The following CATSPER3 variants were observed in gnomAD, a reference collection of about 807,000 sequenced individuals.
The protein encoded by CATSPER3 is cation channel sperm-associated protein 3.
Under a neutral mutation model 36.6 loss-of-function variants are expected in CATSPER3, and 23 were observed. That is an observed-to-expected ratio of 0.63 (90% CI 0.45 to 0.89). The LOEUF (loss-of-function observed/expected upper bound fraction) is 0.89, where lower values mean the gene tolerates loss of function less well. Among genes scored for constraint, CATSPER3 ranks in the 40% least tolerant of loss-of-function variants. The probability of loss-of-function intolerance (pLI) is 0.00; values close to 1 mark genes in which losing one functional copy is unlikely to be tolerated. For synonymous variants in CATSPER3, 172 were observed against 184.1 expected (o/e 0.93, Z 0.53); for missense variants, 474 against 503.9 (o/e 0.94, Z 0.57).
intron 4 of CATSPER3, 108 bp downstream of exon 4, chr5:135,008,247 C>A: frequency 1.1e-6 from 1 of 913,962 alleles, no homozygotes; most frequent in Non-Finnish European, 1.8e-6. Context: ...TCCTCATGTC[C>A]AGGTACTCAT....
Position 134,999,390 on chromosome 5 carries a change from G to T in CATSPER3, c.492+2878G>T, listed in dbSNP as rs1419037597. 2.0e-5 allele frequency among the ~76,000 whole-genome samples: 3 copies of T among 152,068 alleles called. No homozygotes were observed. The East Asian group carries it at 5.8e-4, about 29-fold the overall frequency. ...TGGCTTAGGATTGTCTTGGCAATGC[G>T]GGCTCTTTTTTGGTTCCATATGAAC... On this transcript the variant is annotated intron_variant, in intron 3 of 7. Coordinates refer to ENST00000282611, the MANE Select transcript of CATSPER3 (RefSeq NM_178019.3).
intron 3 of CATSPER3, among the ~76,000 whole-genome samples, chr5:135,007,547 C>T (rs1294026793): frequency 4.6e-5 from 7 of 152,220 alleles, no homozygotes; most frequent in Admixed American, 1.3e-4. Flanking sequence ...CTCCCAGAGT[C>T]GTTCCCCTAC....
intron 2 of CATSPER3, among the ~76,000 whole-genome samples, chr5:134,977,263 A>G (rs1751685459): frequency 6.6e-6 from 1 of 152,150 alleles, no homozygotes; most frequent in Non-Finnish European, 1.5e-5. Flanking sequence ...ATAAGTTCCA[A>G]CTTTAACCTC....
intron 3 of CATSPER3, 87 bp from the exon 4 acceptor site, chr5:135,007,870 C>A: frequency 1.2e-6 from 1 of 837,652 alleles, no homozygotes; most frequent in Non-Finnish European, 1.8e-6. Context: ...CTGGGGACAG[C>A]TGTGAACTGG....
intron 3 of CATSPER3, among the ~76,000 whole-genome samples, chr5:135,005,730 C>T (rs1270477512): frequency 6.6e-6 from 1 of 152,248 alleles, no homozygotes; most frequent in Non-Finnish European, 1.5e-5. Flanking sequence ...GAACCTGCAC[C>T]ATGAGGAAAT....
chr5:135,007,220 C>T (rs1441294709), intron 3 of CATSPER3, among the ~76,000 whole-genome samples: 1 of 152,190 alleles, frequency 6.6e-6, no homozygotes, highest in Non-Finnish European at 1.5e-5. Context: ...AGACAATTTG[C>T]TTCTTTGAGC....
chr5:134,994,921 C>T (rs1751925023), intron 2 of CATSPER3, among the ~76,000 whole-genome samples: 1 of 151,572 alleles, frequency 6.6e-6, no homozygotes, highest in African/African-American at 2.4e-5. Context: ...TTCTTTCCCT[C>T]CCTCCCTACC....
chr5:135,008,712 G>A (rs1752122324), intron 4 of CATSPER3, 129 bp from the exon 5 acceptor site: 4 of 771,056 alleles, frequency 5.2e-6, no homozygotes, highest in South Asian at 4.3e-5. Context: ...ACTGGGAGGT[G>A]TTGAGGGGAT....
At chr5:134,969,872 G>A in intron 1 of CATSPER3, 67 bp from the exon 2 acceptor site, 1 of 1,510,702 alleles carries the variant, frequency 6.6e-7, no homozygotes, top group Non-Finnish European at 9.2e-7. Flanking sequence ...CTACAAAAAG[G>A]TATGCATTTT....
chr5:134,994,974 C>T (rs962389087), intron 2 of CATSPER3, among the ~76,000 whole-genome samples: 1 of 151,000 alleles, frequency 6.6e-6, no homozygotes, highest in Non-Finnish European at 1.5e-5. Flanking sequence ...TCTCTGCCTC[C>T]TTTCTTTCTT....
At chr5:135,003,365 T>G (rs1435038365) in intron 3 of CATSPER3, among the ~76,000 whole-genome samples, 1 of 152,188 alleles carries the variant, frequency 6.6e-6, no homozygotes, top group Non-Finnish European at 1.5e-5. Context: ...CTGCCCCTAC[T>G]TGGGGGTGCT....
At chr5:135,010,784 G>A (rs1580917926) in intron 7 of CATSPER3, among the ~76,000 whole-genome samples, 1 of 152,156 alleles carries the variant, frequency 6.6e-6, no homozygotes, top group East Asian at 1.9e-4. Flanking sequence ...GTAAATGCCA[G>A]CTCCTTGAAG....
intron 2 of CATSPER3, among the ~76,000 whole-genome samples, chr5:134,978,112 C>T (rs570323905): frequency 6.6e-6 from 1 of 152,238 alleles, no homozygotes; most frequent in South Asian, 2.1e-4. Context: ...AGACGAACAT[C>T]CAAACCGTAT....
chr5:134,981,755 A>G (rs1475219040), intron 2 of CATSPER3, among the ~76,000 whole-genome samples: 1 of 152,192 alleles, frequency 6.6e-6, no homozygotes, highest in Non-Finnish European at 1.5e-5. Flanking sequence ...AGAAACAAAA[A>G]TGTCTGACTT....
At chr5:134,990,417 A>G (rs899437987) in intron 2 of CATSPER3, among the ~76,000 whole-genome samples, 3 of 152,214 alleles carry the variant, frequency 2.0e-5, no homozygotes, top group African/African-American at 7.2e-5. Context: ...AGCGTCTCCA[A>G]AGGTGGCAAT....
chr5:134,971,182 C>T (rs1049462345), intron 2 of CATSPER3, among the ~76,000 whole-genome samples: 15 of 152,118 alleles, frequency 9.9e-5, no homozygotes, highest in African/African-American at 3.6e-4. Context: ...ATCTCCTGAC[C>T]TCGTGATCCG....
At chr5:135,002,455 C>T (rs932113455) in intron 3 of CATSPER3, among the ~76,000 whole-genome samples, 2 of 152,162 alleles carry the variant, frequency 1.3e-5, no homozygotes, top group African/African-American at 4.8e-5. Flanking sequence ...AGTTGCTCTT[C>T]TCGAGGAGTA....
At chr5:134,995,901 A>G (rs1021906091) in intron 2 of CATSPER3, 6 of 330,850 alleles carry the variant, frequency 1.8e-5, no homozygotes, top group Non-Finnish European at 3.5e-5. Context: ...TGAGTATTTC[A>G]TCTATATTCC....
At chr5:134,996,917 C>T (rs1262202448) in intron 3 of CATSPER3, among the ~76,000 whole-genome samples, 1 of 152,236 alleles carries the variant, frequency 6.6e-6, no homozygotes, top group East Asian at 1.9e-4. Flanking sequence ...CTGCTTTCCC[C>T]AAACAGCTGA....
Sources: allele counts gnomAD v4.1 joint callset (sites outside exome capture counted in the v4.1 genomes callset), GRCh38; gene constraint gnomAD v4.1.1; transcripts MANE v1.5; gene names NCBI Gene and HGNC (gene_info 2026-07-23, HGNC 2026-07-21).